RPTOR: variants seen among roughly 807,000 people sequenced by gnomAD.
RPTOR encodes the protein regulatory-associated protein of mTOR.
In RPTOR, 21 loss-of-function variants were observed where a neutral mutation model predicts 169.9. The ratio of observed to expected loss-of-function variants is 0.12; its 90% CI spans 0.09 to 0.18. The LOEUF (loss-of-function observed/expected upper bound fraction) is 0.18, where lower values mean the gene tolerates loss of function less well. RPTOR is among the 10% of genes least tolerant of loss of function. The pLI is 1.00. For missense variants in RPTOR, 1,133 were observed against 1,855.9 expected, an observed-to-expected ratio of 0.61 and a Z score of 7.16; for synonymous variants, 732 against 753.2, an observed-to-expected ratio of 0.97 and a Z score of 0.46.
chr17:80,914,439 G>A (rs2068648550), intron 21 of RPTOR, among the ~76,000 whole-genome samples: 1 of 152,194 alleles, frequency 6.6e-6, no homozygotes, highest in Non-Finnish European at 1.5e-5. Flanking sequence ...ACCAGGAGCG[G>A]GCAGGAGCTC....
intron 1 of RPTOR, among the ~76,000 whole-genome samples, chr17:80,577,996 TC>T (rs1205572054): frequency 2.0e-5 from 3 of 152,210 alleles, no homozygotes; most frequent in African/African-American, 7.2e-5. Context: ...CTGGCTGTGT[TC>T]ACAGAGTGCA....
At chr17:80,897,358 G>C (rs375265167) in intron 20 of RPTOR, among the ~76,000 whole-genome samples, 3 of 152,102 alleles carry the variant, frequency 2.0e-5, no homozygotes, top group East Asian at 3.8e-4. Flanking sequence ...TTTTTTGAGT[G>C]GGTGCTCTAT....
chr17:80,659,611 A>G lies in RPTOR; in HGVS notation c.348+15801A>G, dbSNP rs2065705920. On this transcript the variant is annotated intron_variant, in intron 3 of 33. Coordinates refer to ENST00000306801, the MANE Select transcript of RPTOR (RefSeq NM_020761.3). This position sits in a 1 kb window ranked among gnomAD's most constrained non-coding sequence, Gnocchi z 4.3. ...AACCTCTGCCACCTGGGTTTAAGCAATTCTCCTGCCTCAGCCTCCCAAGTA... is the reference window on the plus strand; with the variant it reads ...AACCTCTGCCACCTGGGTTTAAGCAGTTCTCCTGCCTCAGCCTCCCAAGTA... 1.3e-5 allele frequency among the ~76,000 whole-genome samples: 2 copies of G among 152,048 alleles called. No individual in the cohort carries two copies. The highest frequency in any genetic ancestry group is 2.1e-4 in the South Asian group (1 of 4,820).
intron 1 of RPTOR, among the ~76,000 whole-genome samples, chr17:80,615,912 C>T (rs967851129): frequency 2.0e-5 from 3 of 152,120 alleles, no homozygotes; most frequent in African/African-American, 7.2e-5. Context: ...CCACCTCCCG[C>T]GTCTATTTGG....
At position 80,766,292 on chromosome 17, in the gene RPTOR, A is replaced by T. The variant is rs1025167823; in HGVS notation, c.830+12107A>T. 3.3e-5 allele frequency among the ~76,000 whole-genome samples: 5 copies of T among 152,272 alleles called. 1 individual carries two copies. The South Asian group carries it at 1.0e-3, about 32-fold the overall frequency. On this transcript the variant is annotated intron_variant, in intron 6 of 33. Transcript: ENST00000306801. The stretch of plus-strand genomic sequence containing the variant: ...GGTCTCGAACTCCTAAGCTCAAGAG[A>T]TCCTCCCACCTCAGCCTTACAAAGT...
Position 80,545,518 on chromosome 17 carries a change from T to C in RPTOR, c.-112T>C, listed in dbSNP as rs2084263302. 1.2e-6 allele frequency: 1 copy of C among 845,142 alleles called. No individual in the cohort carries two copies. The highest frequency in any genetic ancestry group is 1.9e-6 in the Non-Finnish European group (1 of 534,466). 52.4% of individuals were successfully genotyped at this position (845,142 alleles called of 1,614,324 possible). ...TCCGCACTCTTTATCCATTTGGTTT[T>C]CGATTTCCCGTTTTTGTTTCTTATT... On this transcript the variant is annotated 5_prime_UTR_variant, in exon 1 of 34. Transcript: ENST00000306801.
chr17:80,924,965 T>C (rs2068793403), intron 23 of RPTOR, among the ~76,000 whole-genome samples: 2 of 152,058 alleles, frequency 1.3e-5, no homozygotes, highest in African/African-American at 4.8e-5. Flanking sequence ...CACATGGGAG[T>C]CCCCGCTCTC....
At chr17:80,571,270 C>A (rs569164066) in intron 1 of RPTOR, among the ~76,000 whole-genome samples, 1 of 152,100 alleles carries the variant, frequency 6.6e-6, no homozygotes, top group Non-Finnish European at 1.5e-5. Context: ...TTTCATTTAG[C>A]TATTTTGTTT....
At chr17:80,937,929 G>A (rs949345051) in intron 24 of RPTOR, among the ~76,000 whole-genome samples, 1 of 152,212 alleles carries the variant, frequency 6.6e-6, no homozygotes, top group Non-Finnish European at 1.5e-5. Flanking sequence ...GTCATAGCTG[G>A]TTGTCCTGAC....
chr17:80,583,993 G>C (rs188144604), intron 1 of RPTOR, among the ~76,000 whole-genome samples: 1 of 152,310 alleles, frequency 6.6e-6, no homozygotes, highest in South Asian at 2.1e-4. Context: ...GGCTGCAGGC[G>C]GTGAAGGTGC....
intron 3 of RPTOR, among the ~76,000 whole-genome samples, chr17:80,662,956 G>A (rs1438480878): frequency 3.9e-5 from 6 of 152,202 alleles, no homozygotes; most frequent in Non-Finnish European, 8.8e-5. Flanking sequence ...GAGGGCAGCC[G>A]CCTGTGAGGT....
intron 5 of RPTOR, among the ~76,000 whole-genome samples, chr17:80,731,172 C>T (rs944551223): frequency 1.3e-5 from 2 of 152,136 alleles, no homozygotes; most frequent in African/African-American, 4.8e-5. Flanking sequence ...GCACTGAGCC[C>T]GGCCCAGTAC....
chr17:80,884,007 T>G, intron 16 of RPTOR, 35 bp downstream of exon 16: 1 of 1,589,158 alleles, frequency 6.3e-7, no homozygotes, highest in Non-Finnish European at 8.6e-7. Flanking sequence ...CCAGTCCTCC[T>G]GGCTGCCGAC....
At chr17:80,700,625 GTGGCGGCGA>G (rs2066083044) in intron 3 of RPTOR, among the ~76,000 whole-genome samples, 2 of 147,774 alleles carry the variant, frequency 1.4e-5, no homozygotes, top group African/African-American at 5.0e-5. Context: ...GGTGGTGGTG[GTGGCGGCGA>G]TGATGGTGGT....
At chr17:80,602,062 C>T (rs1298360994) in intron 1 of RPTOR, among the ~76,000 whole-genome samples, 1 of 53,196 alleles carries the variant, frequency 1.9e-5, no homozygotes, top group Admixed American at 1.4e-4. Flanking sequence ...CATCCTGGCC[C>T]GTTCTCAATG....
In RPTOR at chr17:80,883,855, G is replaced by A. The variant is rs755135740; in HGVS notation, c.1725G>A (p.Gln575=). 1.2e-6 allele frequency: 2 copies of A among 1,613,744 alleles called. No homozygotes were observed. Among genetic ancestry groups the A allele is most frequent in the Non-Finnish European group, 1.7e-6 (2 of 1,180,036 alleles). Residue 575 remains glutamine, a synonymous_variant, in exon 16 of 34, where the codon CAG becomes CAA. Transcript: ENST00000306801. ...ACGACCCGCACCCCTTGCTGCGCCA[G>A]TGGGTGGCCATCTGCCTCGGCAGGA... ...QLNDPHPLLR[Q]WVAICLGRIW...
intron 14 of RPTOR, among the ~76,000 whole-genome samples, chr17:80,881,201 T>G (rs1311867430): frequency 3.5e-5 from 5 of 144,324 alleles, no homozygotes; most frequent in African/African-American, 1.3e-4. Context: ...AACTTTTGTA[T>G]GTAATTTCAC....
intron 21 of RPTOR, among the ~76,000 whole-genome samples, chr17:80,910,713 T>A (rs935656180): frequency 2.6e-5 from 4 of 152,194 alleles, no homozygotes; most frequent in Non-Finnish European, 5.9e-5. Flanking sequence ...TTCCTGCAGC[T>A]CCTCAGCTCC....
At chr17:80,734,151 C>T (rs985620428) in intron 5 of RPTOR, among the ~76,000 whole-genome samples, 1 of 152,140 alleles carries the variant, frequency 6.6e-6, no homozygotes, top group Non-Finnish European at 1.5e-5. Flanking sequence ...TAACTGTTTT[C>T]GTTTGTTTGC....
Sources: allele counts gnomAD v4.1 joint callset (sites outside exome capture counted in the v4.1 genomes callset), GRCh38; gene constraint gnomAD v4.1.1; non-coding constraint Gnocchi (gnomAD v3.1); transcripts MANE v1.5; gene names NCBI Gene and HGNC (gene_info 2026-07-23, HGNC 2026-07-21).